Variants in AGBL3 observed in about 807,000 individuals in gnomAD.
The protein encoded by AGBL3 is cytosolic carboxypeptidase 3.
Under a neutral mutation model 94.5 loss-of-function variants are expected in AGBL3, and 68 were observed. The ratio of observed to expected loss-of-function variants is 0.72; its 90% CI spans 0.59 to 0.88. AGBL3 has a LOEUF of 0.88. AGBL3 is among the 40% of genes least tolerant of loss of function. AGBL3 has a pLI of 0.00. For synonymous variants in AGBL3, 354 were observed against 370.7 expected (o/e 0.95, Z 0.52); for missense variants, 934 against 1,103.8 (o/e 0.85, Z 2.18).
At chr7:135,066,608 C>T (rs950487058) in intron 12 of AGBL3, among the ~76,000 whole-genome samples, 15 of 152,192 alleles carry the variant, frequency 9.9e-5, no homozygotes, top group African/African-American at 3.6e-4. Flanking sequence ...AGTAATCACC[C>T]TTCTGGTATT....
intron 11 of AGBL3, among the ~76,000 whole-genome samples, chr7:135,046,916 CTTCT>C (rs1817419845): frequency 2.0e-5 from 3 of 151,556 alleles, no homozygotes; most frequent in South Asian, 2.1e-4. Flanking sequence ...TCGATTGTTA[CTTCT>C]TTATTTTTCA....
chr7:135,027,373 C>CT (rs569893248), intron 5 of AGBL3, among the ~76,000 whole-genome samples: 2 of 151,382 alleles, frequency 1.3e-5, no homozygotes, highest in African/African-American at 2.4e-5. Flanking sequence ...AATATTATAC[C>CT]TTTTTTTGTT....
intron 11 of AGBL3, among the ~76,000 whole-genome samples, chr7:135,052,642 T>C (rs1243709232): frequency 6.6e-6 from 1 of 152,122 alleles, no homozygotes; most frequent in Non-Finnish European, 1.5e-5. Context: ...TACCCTTAGT[T>C]TAGCTCCCAC....
At chr7:135,076,575 G>A (rs1343614329) in intron 13 of AGBL3, 107 bp downstream of exon 13, 3 of 872,848 alleles carry the variant, frequency 3.4e-6, no homozygotes, top group Non-Finnish European at 3.5e-6. Flanking sequence ...CCCAGGAGAA[G>A]TTAAAATTTT....
At chr7:135,004,572 T>A (rs1281671450) in intron 4 of AGBL3, among the ~76,000 whole-genome samples, 1 of 151,670 alleles carries the variant, frequency 6.6e-6, no homozygotes. Flanking sequence ...ATAAAACTTC[T>A]CAGTTTCTTC....
intron 5 of AGBL3, 33 bp downstream of exon 5, chr7:135,017,192 T>C: frequency 6.4e-6 from 9 of 1,409,004 alleles, no homozygotes; most frequent in Non-Finnish European, 8.8e-6. Context: ...TGCTGTAAAA[T>C]ATAATTTGGT....
At chr7:135,015,258 GCTT>G (rs1813633469) in intron 4 of AGBL3, among the ~76,000 whole-genome samples, 1 of 152,180 alleles carries the variant, frequency 6.6e-6, no homozygotes. Context: ...CTCGAGAGTA[GCTT>G]TTTTGCAATG....
At chr7:134,998,740 C>G (rs1811329586) in intron 4 of AGBL3, among the ~76,000 whole-genome samples, 1 of 152,162 alleles carries the variant, frequency 6.6e-6, no homozygotes, top group African/African-American at 2.4e-5. Flanking sequence ...AGGCCCATAG[C>G]AATTCCGACA....
At chr7:135,089,602 G>A (rs1206511622) in intron 15 of AGBL3, among the ~76,000 whole-genome samples, 1 of 152,224 alleles carries the variant, frequency 6.6e-6, no homozygotes, top group Non-Finnish European at 1.5e-5. Context: ...TAGTCTCCAT[G>A]AAGTTTTGTC....
intron 5 of AGBL3, among the ~76,000 whole-genome samples, chr7:135,026,244 A>ATTATTTTATTTTATTTTT (rs147501962): frequency 1.2e-5 from 1 of 81,464 alleles, no homozygotes; most frequent in African/African-American, 3.9e-5. Flanking sequence ...AATGAATACC[A>ATTATTTTATTTTATTTTT]TTATTTTATT....
chr7:135,106,887 C>A (rs1824811052), intron 15 of AGBL3, among the ~76,000 whole-genome samples: 1 of 152,076 alleles, frequency 6.6e-6, no homozygotes, highest in Non-Finnish European at 1.5e-5. Flanking sequence ...GATTCTATTT[C>A]AGAGGTCACT....
chr7:135,129,189 T>G (rs1828374857), intron 16 of AGBL3: 2 of 1,423,172 alleles, frequency 1.4e-6, no homozygotes, highest in Non-Finnish European at 2.0e-6. Flanking sequence ...AGATGTGGTG[T>G]ACTGCCCCCA....
At chr7:135,059,863 A>G (rs1391244094) in intron 12 of AGBL3, among the ~76,000 whole-genome samples, 2 of 152,226 alleles carry the variant, frequency 1.3e-5, no homozygotes, top group African/African-American at 4.8e-5. Flanking sequence ...TACTAGGTAT[A>G]TTAACTGCTT....
chr7:135,083,480 C>G (rs1381113180), intron 15 of AGBL3, among the ~76,000 whole-genome samples: 1 of 151,990 alleles, frequency 6.6e-6, no homozygotes, highest in African/African-American at 2.4e-5. Flanking sequence ...AAAACTTTCT[C>G]TCTCTCTCTA....
intron 4 of AGBL3, among the ~76,000 whole-genome samples, chr7:135,006,675 A>C (rs563035814): frequency 6.6e-6 from 1 of 152,064 alleles, no homozygotes; most frequent in South Asian, 2.1e-4. Context: ...CAACTTTGGA[A>C]GTGTTGTGAA....
intron 11 of AGBL3, among the ~76,000 whole-genome samples, chr7:135,058,306 C>T (rs962024689): frequency 6.6e-6 from 1 of 151,896 alleles, no homozygotes; most frequent in African/African-American, 2.4e-5. Flanking sequence ...AAATACAACC[C>T]AGAAATATTT....
intron 15 of AGBL3, among the ~76,000 whole-genome samples, chr7:135,089,420 G>A (rs1244304935): frequency 6.6e-6 from 1 of 152,024 alleles, no homozygotes; most frequent in East Asian, 1.9e-4. Context: ...ATATTTCCTT[G>A]CTTTTTAGTG....
intron 15 of AGBL3, among the ~76,000 whole-genome samples, chr7:135,082,573 TTTC>T (rs1821007655): frequency 6.6e-6 from 1 of 152,154 alleles, no homozygotes; most frequent in Non-Finnish European, 1.5e-5. Flanking sequence ...TAAGATTATA[TTTC>T]TTCTTTTGAA....
At chr7:135,022,609 T>A (rs769161076) in intron 5 of AGBL3, among the ~76,000 whole-genome samples, 1 of 152,150 alleles carries the variant, frequency 6.6e-6, no homozygotes, top group Admixed American at 6.5e-5. Flanking sequence ...ATTCTGTAGG[T>A]TGCCTGTTTG....
Sources: allele counts gnomAD v4.1 joint callset (sites outside exome capture counted in the v4.1 genomes callset), GRCh38; gene constraint gnomAD v4.1.1; transcripts MANE v1.5; gene names NCBI Gene and HGNC (gene_info 2026-07-23, HGNC 2026-07-21).